The following PKHD1 variants were observed in gnomAD, a reference collection of about 807,000 sequenced individuals.
PKHD1 encodes fibrocystin.
In PKHD1, 291 loss-of-function variants were observed where a neutral mutation model predicts 412.0. The ratio of observed to expected loss-of-function variants is 0.71; its 90% CI spans 0.64 to 0.78. The LOEUF (loss-of-function observed/expected upper bound fraction) is 0.78. PKHD1 is among the 30% of genes least tolerant of loss of function. The pLI, the probability that PKHD1 is intolerant of heterozygous loss-of-function variation, is 0.00. For missense variants in PKHD1, 4,825 were observed against 4,950.7 expected, an observed-to-expected ratio of 0.97 and a Z score of 0.76; for synonymous variants, 1,777 against 1,821.5, an observed-to-expected ratio of 0.98 and a Z score of 0.62.
At chr6:51,701,412 G>A (rs1230986341) in intron 60 of PKHD1, among the ~76,000 whole-genome samples, 2 of 152,022 alleles carry the variant, frequency 1.3e-5, no homozygotes, top group Non-Finnish European at 2.9e-5. Flanking sequence ...AGTTAAGTCT[G>A]TCCAAAGATT....
intron 55 of PKHD1, among the ~76,000 whole-genome samples, chr6:51,767,919 T>A (rs1449380835): frequency 1.3e-5 from 2 of 152,112 alleles, no homozygotes; most frequent in Non-Finnish European, 2.9e-5. Flanking sequence ...TTGAACTAGT[T>A]TACAGTCCCA....
chr6:52,014,700 A>AGATGGATG (rs55925667), intron 34 of PKHD1, among the ~76,000 whole-genome samples: 169 of 80,744 alleles, frequency 2.1e-3, no homozygotes, highest in African/African-American at 6.8e-3. Context: ...TATACTGGAT[A>AGATGGATG]GATGGATGGA....
In PKHD1 at chr6:51,911,937, C is replaced by T. The variant is rs751529187; in HGVS notation, c.6352G>A (p.Glu2118Lys). 8.4e-5 allele frequency: 135 copies of T among 1,611,520 alleles called. No homozygotes were observed. The highest frequency in any genetic ancestry group is 1.1e-4 in the Non-Finnish European group (134 of 1,178,716). The change falls in exon 39 of 67, where the codon GAG becomes AAG. Residue 2118 changes from glutamate to lysine, a missense_variant. By Grantham distance (56) the Glu-to-Lys change is moderately conservative (BLOSUM62 1). Transcript: ENST00000371117. The stretch of plus-strand genomic sequence containing the variant: ...TGGTGCTCTCCAGCCACCCAATTCT[C>T]TGTAAAGTTGTGAGAATATCTGGAG... ...SPLRYSHNFTENWVAGEHHIL... is the reference protein window; with the variant it reads ...SPLRYSHNFTKNWVAGEHHIL...
At chr6:51,949,759 TAA>T (rs957662649) in intron 36 of PKHD1, among the ~76,000 whole-genome samples, 10 of 152,118 alleles carry the variant, frequency 6.6e-5, no homozygotes, top group Non-Finnish European at 1.3e-4. Flanking sequence ...ATGTGAGGCA[TAA>T]ATCAGGCTTT....
chr6:51,632,785 T>C lies in PKHD1; in HGVS notation c.11507-62A>G, dbSNP rs1395159852. 1.6e-5 allele frequency: 22 copies of C among 1,355,946 alleles called. No homozygotes were observed. In the South Asian group the frequency reaches 2.3e-4, roughly 14 times the overall value. 84.0% of individuals were successfully genotyped at this position (1,355,946 alleles called of 1,614,324 possible). ...TAATAAGATGCTAATATAATTAAAA[T>C]ATGGTAAAAATAAATACATTCATAA... On this transcript the variant is annotated intron_variant, in intron 64 of 66. Coordinates refer to ENST00000371117, the MANE Select transcript of PKHD1 (RefSeq NM_138694.4).
At position 51,992,319 on chromosome 6, in the gene PKHD1, A is replaced by G. The variant is rs138436008; in HGVS notation, c.5751+17990T>C. 7.5e-3 allele frequency among the ~76,000 whole-genome samples: 1,149 copies of G among 152,314 alleles called. 15 individuals are homozygous for G. Among genetic ancestry groups the G allele is most frequent in the African/African-American group, 0.026 (1,065 of 41,570 alleles). On this transcript the variant is annotated intron_variant, in intron 35 of 66. Transcript: ENST00000371117. ...ATCATAGCAAGTATTGAATACCCTA[A>G]TATGTTTTTCTTTCCATTTTTCTCA...
At chr6:51,868,301 A>T (rs1169168158) in intron 47 of PKHD1, among the ~76,000 whole-genome samples, 192 bp from the exon 48 acceptor site, 1 of 152,174 alleles carries the variant, frequency 6.6e-6, no homozygotes, top group Non-Finnish European at 1.5e-5. Flanking sequence ...CTGGTGTGCT[A>T]GAGATACTAA....
intron 16 of PKHD1, among the ~76,000 whole-genome samples, chr6:52,057,407 G>A (rs544790950): frequency 1.3e-5 from 2 of 149,378 alleles, no homozygotes; most frequent in South Asian, 4.3e-4. Flanking sequence ...TTTTGCTACT[G>A]AGTAAGTTCT....
At chr6:51,775,965 AAAAG>A in intron 53 of PKHD1, 44 bp from the exon 54 acceptor site, 1 of 929,218 alleles carries the variant, frequency 1.1e-6, no homozygotes, top group Non-Finnish European at 1.8e-6. Flanking sequence ...ATTTGAAATT[AAAAG>A]AAAGAGAGGG....
chr6:51,787,645 T>C (rs992454574), intron 53 of PKHD1, among the ~76,000 whole-genome samples: 1 of 152,078 alleles, frequency 6.6e-6, no homozygotes, highest in Non-Finnish European at 1.5e-5. Flanking sequence ...AACACATGGA[T>C]GAAACAAAGA....
intron 60 of PKHD1, among the ~76,000 whole-genome samples, chr6:51,703,126 A>G (rs1779645105): frequency 6.6e-6 from 1 of 152,038 alleles, no homozygotes; most frequent in African/African-American, 2.4e-5. Context: ...TACATAAACA[A>G]AGATGAAGGA....
intron 43 of PKHD1, among the ~76,000 whole-genome samples, chr6:51,895,843 T>C (rs1319174761): frequency 1.3e-5 from 2 of 152,050 alleles, no homozygotes; most frequent in African/African-American, 4.8e-5. Context: ...GGTGAGGCAT[T>C]GCCTCACTCG....
At chr6:51,700,378 C>G (rs1279856479) in intron 60 of PKHD1, among the ~76,000 whole-genome samples, 3 of 152,058 alleles carry the variant, frequency 2.0e-5, no homozygotes, top group Non-Finnish European at 4.4e-5. Context: ...ACAACCTCAC[C>G]AAGCTCAATC....
At chr6:51,909,034 A>G (rs1782562129) in intron 40 of PKHD1, among the ~76,000 whole-genome samples, 1 of 152,154 alleles carries the variant, frequency 6.6e-6, no homozygotes, top group Non-Finnish European at 1.5e-5. Flanking sequence ...TGTATTTAAA[A>G]TACACATTCC....
intron 60 of PKHD1, among the ~76,000 whole-genome samples, chr6:51,675,077 C>A (rs976319841): frequency 4.6e-5 from 7 of 152,156 alleles, no homozygotes; most frequent in Middle Eastern, 3.4e-3. Flanking sequence ...TTTAATCAAT[C>A]CTCCTATTTT....
Position 52,071,076 on chromosome 6 carries a change from G to A in PKHD1, c.603-6C>T. On this transcript the variant is annotated splice_region_variant and splice_polypyrimidine_tract_variant and intron_variant, in intron 8 of 66. Coordinates refer to ENST00000371117, the MANE Select transcript of PKHD1 (RefSeq NM_138694.4). ...GGTCCTCCTGAATAGGATAACTAAG[G>A]AAAAGACAAACTGAGGTAAGAATGA... 4.4e-6 allele frequency: 7 copies of A among 1,586,818 alleles called. No individual in the cohort carries two copies. Among genetic ancestry groups the A allele is most frequent in the Non-Finnish European group, 6.1e-6 (7 of 1,155,346 alleles).
At position 51,743,416 on chromosome 6, in the gene PKHD1, G is replaced by A. The variant is rs376215999; in HGVS notation, c.10156+969C>T. 2.0e-5 allele frequency among the ~76,000 whole-genome samples: 3 copies of A among 152,284 alleles called. No individual in the cohort carries two copies. The East Asian group carries it at 5.8e-4, about 29-fold the overall frequency. ...GTAGGGACAGCTAGGCAAGAAGCAG[G>A]TTGTAGATTGGGGAAGAGATCAAGA... is the stretch of plus-strand genomic sequence containing the variant. On this transcript the variant is annotated intron_variant, in intron 60 of 66. Transcript: ENST00000371117.
At chr6:51,893,098 A>G (rs1272746126) in intron 43 of PKHD1, among the ~76,000 whole-genome samples, 1 of 152,198 alleles carries the variant, frequency 6.6e-6, no homozygotes, top group Non-Finnish European at 1.5e-5. Flanking sequence ...TTAAACACCC[A>G]CCTTGTCTGC....
intron 60 of PKHD1, among the ~76,000 whole-genome samples, chr6:51,735,762 C>T (rs981939287): frequency 1.1e-4 from 17 of 151,542 alleles, no homozygotes; most frequent in African/African-American, 3.6e-4. Context: ...CTCATCTCTA[C>T]GAAAAATTTT....
Sources: allele counts gnomAD v4.1 joint callset (sites outside exome capture counted in the v4.1 genomes callset), GRCh38; gene constraint gnomAD v4.1.1; transcripts MANE v1.5; gene names NCBI Gene and HGNC (gene_info 2026-07-23, HGNC 2026-07-21).